Variants in ACTR3C observed in about 807,000 individuals in gnomAD.
ACTR3C encodes the protein actin-related protein 3C.
ACTR3C carries 18 observed loss-of-function variants against 26.3 expected under a neutral mutation model. The observed-to-expected ratio is 0.68, with a 90% CI of 0.47 to 1.01. The LOEUF (loss-of-function observed/expected upper bound fraction) is 1.01, where lower values mean the gene tolerates loss of function less well. Ranked by LOEUF, ACTR3C falls within the 50% of genes least tolerant of loss-of-function variation. The pLI is 0.00. For synonymous variants in ACTR3C, 55 were observed against 94.5 expected (o/e 0.58, Z 2.42); for missense variants, 184 against 250.7 (o/e 0.73, Z 1.80).
the ACTR3C span, among the ~76,000 whole-genome samples, chr7:150,219,553 G>A: frequency 7.1e-6 from 1 of 141,420 alleles, no homozygotes; most frequent in Admixed American, 6.7e-5. Context: ...AAGGGTGGCC[G>A]GGCCCCACAG....
chr7:150,205,297 G>A, the ACTR3C span, among the ~76,000 whole-genome samples: 2 of 152,158 alleles, frequency 1.3e-5, no homozygotes, highest in African/African-American at 4.8e-5. Flanking sequence ...TATTGAAGCT[G>A]CTAAGGTACT....
At chr7:150,118,460 C>A in the ACTR3C span, among the ~76,000 whole-genome samples, 1 of 149,546 alleles carries the variant, frequency 6.7e-6, no homozygotes, top group South Asian at 2.1e-4. Flanking sequence ...ATAGCTGAAG[C>A]AATCAAGCAG....
At chr7:150,179,167 T>C in the ACTR3C span, among the ~76,000 whole-genome samples, 6 of 144,962 alleles carry the variant, frequency 4.1e-5, no homozygotes, top group Admixed American at 1.3e-4. Context: ...TAACCTAGAA[T>C]ATTATGAAAA....
At chr7:149,967,028 ATTTTTTTTT>A in the ACTR3C span, among the ~76,000 whole-genome samples, 4 of 64,706 alleles carry the variant, frequency 6.2e-5, no homozygotes, top group Admixed American at 5.5e-4. Context: ...TGCACAGCTA[ATTTTTTTTT>A]TTTTTTTTTT....
the ACTR3C span, among the ~76,000 whole-genome samples, chr7:149,968,263 G>A: frequency 1.3e-4 from 20 of 152,264 alleles, no homozygotes; most frequent in East Asian, 9.7e-4. Context: ...AAATAGTCTC[G>A]GGCTGGGCAC....
At chr7:150,016,547 C>T in the ACTR3C span, among the ~76,000 whole-genome samples, 11 of 151,972 alleles carry the variant, frequency 7.2e-5, no homozygotes, top group Admixed American at 1.3e-4. Flanking sequence ...TCCATCAAGA[C>T]GGGTATGGAT....
chr7:150,070,918 C>T, the ACTR3C span, among the ~76,000 whole-genome samples: 11 of 149,620 alleles, frequency 7.4e-5, no homozygotes, highest in African/African-American at 2.5e-4. Context: ...CCTCAGCCTC[C>T]CGAGTAGCTG....
At chr7:150,169,208 C>T in the ACTR3C span, among the ~76,000 whole-genome samples, 1 of 149,758 alleles carries the variant, frequency 6.7e-6, no homozygotes, top group African/African-American at 2.5e-5. Context: ...GGTGAAACCC[C>T]ATCTCTACCA....
chr7:150,022,010 T>C, the ACTR3C span, among the ~76,000 whole-genome samples: 33 of 152,018 alleles, frequency 2.2e-4, 1 homozygote, highest in African/African-American at 6.8e-4. Context: ...GATCAAATGG[T>C]AGATCTACTT....
chr7:150,198,478 G>C, the ACTR3C span, among the ~76,000 whole-genome samples: 17 of 140,268 alleles, frequency 1.2e-4, no homozygotes, highest in South Asian at 7.0e-4. Flanking sequence ...GAGATGTGGG[G>C]AGCGCCTCTG....
rs191255180 is a variant in ACTR3C at position 150,274,269 on chromosome 7, C to T, written c.564+10484G>A. Among the ~76,000 whole-genome samples the T allele has an allele frequency of 3.3e-5, 5 of 152,118 alleles. No individual in the cohort carries two copies. Among genetic ancestry groups the T allele is most frequent in the Non-Finnish European group, 7.3e-5 (5 of 68,028 alleles). On this transcript the variant is annotated intron_variant, in intron 6 of 7. Transcript: ENST00000683684. This position sits in a 1 kb window ranked among gnomAD's most constrained non-coding sequence, Gnocchi z 4.1. ...GTTACCAACTGAAGGTTTGAGGAAA[C>T]GGCACCAAGCAGGTCTGTCAGCGCC...
the ACTR3C span, among the ~76,000 whole-genome samples, chr7:149,898,132 A>G: frequency 1.3e-5 from 2 of 152,174 alleles, no homozygotes; most frequent in African/African-American, 4.8e-5. Context: ...CTGAAATGAG[A>G]AGTGAAGAGG....
the ACTR3C span, among the ~76,000 whole-genome samples, chr7:150,068,300 C>T: frequency 8.5e-5 from 13 of 152,106 alleles, no homozygotes; most frequent in Admixed American, 8.5e-4. Flanking sequence ...TAATTTCCAT[C>T]CCATTCCTTC....
the ACTR3C span, among the ~76,000 whole-genome samples, chr7:150,165,505 C>T: frequency 3.3e-5 from 5 of 151,124 alleles, no homozygotes; most frequent in East Asian, 1.9e-4. Context: ...CAGTTTTCCA[C>T]GTCCTCCAAA....
the ACTR3C span, among the ~76,000 whole-genome samples, chr7:149,967,382 A>C: frequency 6.6e-6 from 1 of 151,992 alleles, no homozygotes; most frequent in Admixed American, 6.6e-5. Context: ...ATGTTGGCTA[A>C]GCTGGTCTCA....
At chr7:150,106,660 G>A in the ACTR3C span, among the ~76,000 whole-genome samples, 2 of 133,150 alleles carry the variant, frequency 1.5e-5, 1 homozygote, top group African/African-American at 6.4e-5. Flanking sequence ...ACTGGATAGT[G>A]TAATTCTATA....
At chr7:150,231,409 G>A in the ACTR3C span, among the ~76,000 whole-genome samples, 6 of 151,806 alleles carry the variant, frequency 4.0e-5, no homozygotes, top group African/African-American at 1.2e-4. Context: ...AAAGCTGGTT[G>A]TTAAATAGAG....
At chr7:149,908,747 T>C in the ACTR3C span, among the ~76,000 whole-genome samples, 1 of 152,122 alleles carries the variant, frequency 6.6e-6, no homozygotes, top group East Asian at 1.9e-4. Flanking sequence ...TGTTTCCAAA[T>C]AATAACCTGA....
At chr7:150,020,804 T>C in the ACTR3C span, among the ~76,000 whole-genome samples, 690 of 135,300 alleles carry the variant, frequency 5.1e-3, no homozygotes, top group East Asian at 0.018. Flanking sequence ...GAACTATTTC[T>C]GGTCTGCTTT....
Sources: gnomAD v4.1 joint callset for allele counts (sites outside exome capture counted in the v4.1 genomes callset) on GRCh38, gnomAD v4.1.1 for gene constraint, Gnocchi (gnomAD v3.1) non-coding constraint, MANE v1.5 for transcripts, NCBI Gene and HGNC (gene_info 2026-07-23, HGNC 2026-07-21) for gene names.